Variants in RERE observed in about 807,000 individuals in gnomAD.
The protein encoded by RERE is arginine-glutamic acid dipeptide repeats protein.
Under a neutral mutation model 146.1 loss-of-function variants are expected in RERE, and 40 were observed. The ratio of observed to expected loss-of-function variants is 0.27; its 90% CI spans 0.21 to 0.36. The LOEUF (loss-of-function observed/expected upper bound fraction) is 0.36. Among genes scored for constraint, RERE ranks in the 10% least tolerant of loss-of-function variants. The pLI is 1.00. For missense variants in RERE, 1,933 were observed against 2,138.7 expected (o/e 0.90, Z 1.90); for synonymous variants, 1,003 against 866.0 (o/e 1.16, Z -2.78).
intron 1 of RERE, 83 bp from the exon 2 acceptor site, chr1:8,656,524 A>T (rs1378555955): frequency 5.1e-6 from 3 of 584,096 alleles, no homozygotes; most frequent in East Asian, 6.3e-5. Flanking sequence ...TCTCTTACTT[A>T]TTCATGCTTT....
chr1:8,372,650 CA>C (rs1642085544), intron 12 of RERE, among the ~76,000 whole-genome samples: 1 of 152,196 alleles, frequency 6.6e-6, no homozygotes, highest in South Asian at 2.1e-4. Context: ...TGTCACAACA[CA>C]GTTTTACGAC....
intron 7 of RERE, among the ~76,000 whole-genome samples, chr1:8,535,854 T>C (rs1362576049): frequency 6.6e-6 from 1 of 152,114 alleles, no homozygotes. Context: ...CTGCCTGTAA[T>C]CCCAGCACTT....
At chr1:8,513,502 A>G (rs932012553) in intron 7 of RERE, among the ~76,000 whole-genome samples, 2 of 152,314 alleles carry the variant, frequency 1.3e-5, no homozygotes, top group African/African-American at 4.8e-5. Context: ...CCTTTTTGAT[A>G]CTACACCAAA....
At chr1:8,530,725 C>A (rs1645635627) in intron 7 of RERE, among the ~76,000 whole-genome samples, 2 of 135,408 alleles carry the variant, frequency 1.5e-5, no homozygotes, top group African/African-American at 5.7e-5. Context: ...CGCTCTGTCG[C>A]CCAGGCCGGA....
chr1:8,778,267 G>C (rs1641104849), intron 1 of RERE, among the ~76,000 whole-genome samples: 1 of 152,154 alleles, frequency 6.6e-6, no homozygotes, highest in Admixed American at 6.5e-5. Context: ...GATGTTTCTT[G>C]ATGCGCAGTT....
chr1:8,666,597 T>C (rs1295953667), intron 1 of RERE, among the ~76,000 whole-genome samples: 2 of 152,202 alleles, frequency 1.3e-5, no homozygotes, highest in Non-Finnish European at 1.5e-5. Context: ...GAAAGGGAAA[T>C]GTCACTCTAA....
chr1:8,639,846 T>C (rs1363570705), intron 2 of RERE, among the ~76,000 whole-genome samples: 1 of 152,188 alleles, frequency 6.6e-6, no homozygotes, highest in Admixed American at 6.5e-5. Context: ...GTAGCTATGT[T>C]TTATAATACC....
intron 1 of RERE, among the ~76,000 whole-genome samples, chr1:8,742,209 G>A (rs1640323423): frequency 6.6e-6 from 1 of 152,134 alleles, no homozygotes; most frequent in Non-Finnish European, 1.5e-5. Context: ...TTTGTTTTCA[G>A]TAACTTGTTT....
chr1:8,697,656 G>A (rs1639362817), intron 1 of RERE, among the ~76,000 whole-genome samples: 1 of 152,130 alleles, frequency 6.6e-6, no homozygotes, highest in African/African-American at 2.4e-5. Flanking sequence ...CCAAAGTGCT[G>A]GGATTACAGG....
At chr1:8,563,952 T>C (rs1466663746) in intron 4 of RERE, among the ~76,000 whole-genome samples, 1 of 152,208 alleles carries the variant, frequency 6.6e-6, no homozygotes, top group East Asian at 1.9e-4. Context: ...CAGACACTAA[T>C]TAAGCATACA....
At chr1:8,400,044 T>C (rs901591933) in intron 12 of RERE, among the ~76,000 whole-genome samples, 1 of 152,120 alleles carries the variant, frequency 6.6e-6, no homozygotes, top group Non-Finnish European at 1.5e-5. Context: ...TTTTAATATA[T>C]TACATTTTCT....
intron 1 of RERE, among the ~76,000 whole-genome samples, chr1:8,756,713 T>C (rs1375656677): frequency 2.6e-5 from 4 of 152,244 alleles, no homozygotes; most frequent in South Asian, 2.1e-4. Context: ...AACTTTAGAA[T>C]GAAAACATGC....
rs58993452 is a variant in RERE at position 8,789,282 on chromosome 1, CAA to C, written c.-145+27876_-145+27877del. On this transcript the variant is annotated intron_variant, in intron 1 of 22. Transcript: ENST00000400908. ...CAACACAGCAAGACCTCCTCTCTAC[CAA>C]AAAAAAAAAAAAAAAAAATATATAT... Among the ~76,000 whole-genome samples the C allele has an allele frequency of 1.9e-3, 73 of 38,470 alleles. 1 individual carries two copies. Among genetic ancestry groups the C allele is most frequent in the African/African-American group, 4.8e-3 (26 of 5,392 alleles). 25.2% of individuals were successfully genotyped at this position (38,470 alleles called of 152,430 possible).
chr1:8,725,084 C>A (rs1639934573), intron 1 of RERE, among the ~76,000 whole-genome samples: 1 of 151,926 alleles, frequency 6.6e-6, no homozygotes, highest in South Asian at 2.1e-4. Flanking sequence ...ATGAAAAAAA[C>A]ATAGATGCAC....
At chr1:8,578,303 C>T (rs1646321724) in intron 4 of RERE, among the ~76,000 whole-genome samples, 1 of 152,136 alleles carries the variant, frequency 6.6e-6, no homozygotes, top group African/African-American at 2.4e-5. Flanking sequence ...TGGCAGACCT[C>T]CTTACACAAA....
intron 12 of RERE, among the ~76,000 whole-genome samples, chr1:8,400,655 G>T (rs1643217055): frequency 6.6e-6 from 1 of 151,670 alleles, no homozygotes; most frequent in Admixed American, 6.6e-5. Flanking sequence ...ATGACAGTAG[G>T]CAACCTTATT....
intron 1 of RERE, among the ~76,000 whole-genome samples, chr1:8,726,798 A>C (rs1385270269): frequency 1.4e-5 from 2 of 147,742 alleles, no homozygotes; most frequent in Non-Finnish European, 3.0e-5. Flanking sequence ...TAATATTGTA[A>C]ACTGACGTTT....
chr1:8,509,334 C>G (rs1318017264), intron 7 of RERE, among the ~76,000 whole-genome samples: 4 of 152,104 alleles, frequency 2.6e-5, no homozygotes, highest in Admixed American at 2.6e-4. Flanking sequence ...CAAAACATCT[C>G]AGGGTGCCCT....
chr1:8,421,569 T>A (rs898014268), intron 12 of RERE, among the ~76,000 whole-genome samples: 1 of 152,184 alleles, frequency 6.6e-6, no homozygotes, highest in African/African-American at 2.4e-5. Flanking sequence ...CATTTATATA[T>A]ACAAGACTAT....
Sources: allele counts gnomAD v4.1 joint callset (sites outside exome capture counted in the v4.1 genomes callset), GRCh38; gene constraint gnomAD v4.1.1; transcripts MANE v1.5; gene names NCBI Gene and HGNC (gene_info 2026-07-23, HGNC 2026-07-21).